Variants in TSPEAR observed in about 807,000 individuals in gnomAD.
TSPEAR encodes thrombospondin type laminin G domain and EAR repeats.
TSPEAR carries 69 observed loss-of-function variants against 71.6 expected under a neutral mutation model. That is an observed-to-expected ratio of 0.96 (90% CI 0.79 to 1.18). TSPEAR has a LOEUF of 1.18. TSPEAR is among the 50% of genes most tolerant of loss of function. The probability of loss-of-function intolerance (pLI) is 0.00; values close to 1 mark genes in which losing one functional copy is unlikely to be tolerated. For missense variants in TSPEAR, 971 were observed against 894.9 expected (o/e 1.09, Z -1.09); for synonymous variants, 402 against 387.2 (o/e 1.04, Z -0.45).
At position 44,506,206 on chromosome 21, in the gene TSPEAR, T is replaced by C. The variant is rs1206590330; in HGVS notation, c.1755-1325A>G. Among the ~76,000 whole-genome samples the C allele has an allele frequency of 1.3e-5, 2 of 152,216 alleles. No individual in the cohort carries two copies. The highest frequency in any genetic ancestry group is 2.9e-5 in the Non-Finnish European group (2 of 68,018). Reference sequence around the variant, plus strand: ...CACCTGAATTTACCAAGGATGCATCTGTGCTTGGGGATGGCTCGGTTTGAG... The same window carrying C: ...CACCTGAATTTACCAAGGATGCATCCGTGCTTGGGGATGGCTCGGTTTGAG... On this transcript the variant is annotated intron_variant, in intron 10 of 11. Transcript: ENST00000323084. The surrounding 1 kb of genome is among the most constrained non-coding windows in gnomAD (Gnocchi z 4.2).
At chr21:44,627,236 G>A in intron 1 of TSPEAR, 1 of 1,612,748 alleles carries the variant, frequency 6.2e-7, no homozygotes, top group Admixed American at 1.7e-5. Context: ...GTGGACGACT[G>A]CCCAGAGAGC....
chr21:44,630,225 A>T (rs2146208305), intron 1 of TSPEAR, among the ~76,000 whole-genome samples: 1 of 152,280 alleles, frequency 6.6e-6, no homozygotes, highest in Middle Eastern at 3.4e-3. Context: ...TTCTCTAAAG[A>T]TCTAACAGAA....
At chr21:44,571,943 G>A (rs73907028) in intron 1 of TSPEAR, among the ~76,000 whole-genome samples, 4 of 152,206 alleles carry the variant, frequency 2.6e-5, no homozygotes, top group Admixed American at 6.5e-5. Flanking sequence ...CCGTGCGGGC[G>A]AGGCCCCCGG....
chr21:44,697,042 C>A, intron 1 of TSPEAR: 2 of 1,061,700 alleles, frequency 1.9e-6, no homozygotes, highest in Non-Finnish European at 2.6e-6. Flanking sequence ...TCACTCCCTC[C>A]CTCCTGCCCA....
intron 2 of TSPEAR, among the ~76,000 whole-genome samples, chr21:44,538,760 G>A (rs1443977423): frequency 1.1e-4 from 16 of 152,162 alleles, no homozygotes; most frequent in Admixed American, 2.0e-4. Flanking sequence ...GCATGACAGC[G>A]AATGACCAGG....
At chr21:44,620,848 G>A (rs1288208729) in intron 1 of TSPEAR, among the ~76,000 whole-genome samples, 1 of 151,988 alleles carries the variant, frequency 6.6e-6, no homozygotes, top group African/African-American at 2.4e-5. Flanking sequence ...TTAAGTTTTG[G>A]GTTACTGTGA....
intron 11 of TSPEAR, among the ~76,000 whole-genome samples, chr21:44,501,431 TA>T (rs1324841468): frequency 1.3e-5 from 2 of 151,990 alleles, no homozygotes; most frequent in South Asian, 2.1e-4. Flanking sequence ...CCATCTCTAC[TA>T]AAAAATACAA....
chr21:44,617,736 G>A (rs587722792), intron 1 of TSPEAR, among the ~76,000 whole-genome samples: 11 of 152,352 alleles, frequency 7.2e-5, no homozygotes, highest in South Asian at 4.1e-4. Context: ...AGCAAGCTGC[G>A]CAGTGTTCCA....
chr21:44,610,270 C>A (rs1981574162), intron 1 of TSPEAR, among the ~76,000 whole-genome samples: 1 of 152,332 alleles, frequency 6.6e-6, no homozygotes, highest in Admixed American at 6.5e-5. Flanking sequence ...ATGTCAGAGA[C>A]CTTCATGGCA....
At chr21:44,523,513 G>A (rs115244162) in intron 8 of TSPEAR, among the ~76,000 whole-genome samples, 414 of 150,692 alleles carry the variant, frequency 2.7e-3, no homozygotes, top group African/African-American at 9.2e-3. Flanking sequence ...GCAGTCAGTC[G>A]TCAGTCAGTC....
chr21:44,594,982 T>C (rs1980266306), intron 1 of TSPEAR, among the ~76,000 whole-genome samples: 1 of 151,948 alleles, frequency 6.6e-6, no homozygotes, highest in Non-Finnish European at 1.5e-5. Context: ...CCACCATGCC[T>C]GGCTAATTTT....
At chr21:44,621,637 G>A (rs1331998060) in intron 1 of TSPEAR, among the ~76,000 whole-genome samples, 1 of 152,176 alleles carries the variant, frequency 6.6e-6, no homozygotes, top group African/African-American at 2.4e-5. Flanking sequence ...ACTTCCTAAG[G>A]TCTGGAAAAT....
chr21:44,558,708 G>A (rs79221051), intron 2 of TSPEAR: 272,228 of 1,599,552 alleles, frequency 0.17, 24,635 homozygotes, highest in Middle Eastern at 0.19. Flanking sequence ...CATGGTAGAC[G>A]TGGCCATGCT....
chr21:44,649,457 C>T (rs1461783223), intron 1 of TSPEAR, among the ~76,000 whole-genome samples: 1 of 152,146 alleles, frequency 6.6e-6, no homozygotes, highest in Non-Finnish European at 1.5e-5. Context: ...TCCCAAACGG[C>T]TCCCCCGCTA....
intron 1 of TSPEAR, among the ~76,000 whole-genome samples, chr21:44,584,493 G>A (rs190549429): frequency 6.6e-6 from 1 of 152,290 alleles, no homozygotes; most frequent in East Asian, 1.9e-4. Context: ...TTGCTGAGGA[G>A]CTTTGACACT....
chr21:44,535,774 C>CA (rs782013648), intron 2 of TSPEAR, among the ~76,000 whole-genome samples: 62 of 152,024 alleles, frequency 4.1e-4, no homozygotes, highest in Non-Finnish European at 8.4e-4. Context: ...CCATGTTAGC[C>CA]AGGCTGGTCT....
intron 1 of TSPEAR, among the ~76,000 whole-genome samples, chr21:44,619,165 G>C (rs929203152): frequency 6.6e-6 from 1 of 152,190 alleles, no homozygotes; most frequent in African/African-American, 2.4e-5. Context: ...TGAAGGCGTG[G>C]ACCAACATAC....
intron 1 of TSPEAR, among the ~76,000 whole-genome samples, chr21:44,655,649 G>A (rs1215828193): frequency 6.6e-6 from 1 of 152,244 alleles, no homozygotes; most frequent in Non-Finnish European, 1.5e-5. Context: ...TGAGGAGCTG[G>A]TGTGAAATTC....
intron 9 of TSPEAR, among the ~76,000 whole-genome samples, chr21:44,513,355 C>T (rs894878182): frequency 6.6e-6 from 1 of 151,544 alleles, no homozygotes; most frequent in African/African-American, 2.5e-5. Flanking sequence ...AGAGGGTGTG[C>T]AGTGTGGGAC....
Sources: allele counts gnomAD v4.1 joint callset (sites outside exome capture counted in the v4.1 genomes callset), GRCh38; gene constraint gnomAD v4.1.1; non-coding constraint Gnocchi (gnomAD v3.1); transcripts MANE v1.5; gene names NCBI Gene and HGNC (gene_info 2026-07-23, HGNC 2026-07-21).